Variants in DYNC1LI1 observed in about 807,000 individuals in gnomAD.
DYNC1LI1 encodes the protein dynein cytoplasmic 1 light intermediate chain 1, also known as cytoplasmic dynein 1 light intermediate chain 1.
DYNC1LI1 carries 19 observed loss-of-function variants against 63.8 expected under a neutral mutation model. The observed-to-expected ratio is 0.30, with a 90% CI of 0.21 to 0.44. DYNC1LI1 has a LOEUF of 0.44. DYNC1LI1 is among the 20% of genes least tolerant of loss of function. The pLI, the probability that DYNC1LI1 is intolerant of heterozygous loss-of-function variation, is 1.00. For synonymous variants in DYNC1LI1, 225 were observed against 232.3 expected (o/e 0.97, Z 0.28); for missense variants, 565 against 630.2 (o/e 0.90, Z 1.11).
chr3:32,570,316 G>C, intron 2 of DYNC1LI1, 30 bp downstream of exon 2: 3 of 1,555,318 alleles, frequency 1.9e-6, no homozygotes, highest in Non-Finnish European at 2.6e-6. Context: ...TGGGGGCCGG[G>C]CGGGGCGGGG....
At chr3:32,559,073 T>A (rs894864027) in intron 2 of DYNC1LI1, among the ~76,000 whole-genome samples, 1 of 151,772 alleles carries the variant, frequency 6.6e-6, no homozygotes, top group East Asian at 1.9e-4. Context: ...TTTTTTTTTT[T>A]TAAAGACAGA....
intron 10 of DYNC1LI1, among the ~76,000 whole-genome samples, 184 bp downstream of exon 10, chr3:32,530,100 T>C (rs946649678): frequency 2.6e-5 from 4 of 152,178 alleles, no homozygotes; most frequent in Admixed American, 6.5e-5. Flanking sequence ...TGGCTGAGTA[T>C]TGACACACAA....
chr3:32,559,809 A>C (rs2125444406), intron 2 of DYNC1LI1, among the ~76,000 whole-genome samples: 1 of 152,304 alleles, frequency 6.6e-6, no homozygotes, highest in African/African-American at 2.4e-5. Flanking sequence ...ATTTGGACTT[A>C]TATAACATAA....
intron 8 of DYNC1LI1, 41 bp downstream of exon 8, chr3:32,532,945 T>C (rs753644740): frequency 6.5e-7 from 1 of 1,527,654 alleles, no homozygotes; most frequent in African/African-American, 1.4e-5. Flanking sequence ...CTCAGGTTAG[T>C]CTAAAGTCTA....
Position 32,545,039 on chromosome 3 carries a change from T to C in DYNC1LI1, c.405A>G (p.Ser135=). 1 of 1,614,022 alleles carries C rather than the reference T, an allele frequency of 6.2e-7. No homozygotes were observed. Among genetic ancestry groups the C allele is most frequent in the Non-Finnish European group, 8.5e-7 (1 of 1,179,966 alleles). The change falls in exon 4 of 13, where the codon TCA becomes TCG. Residue 135 remains serine, a synonymous_variant. Transcript: ENST00000273130. ...TATCCTTCAGAGATACGGCATCCAG[T>C]GAAAATTTAAGGAGGCCTTTGTGAT... ...DLYHKGLLKF[S]LDAVSLKDTL... is the part of the protein sequence containing the mutation.
In DYNC1LI1 at chr3:32,532,996, G is replaced by A. The variant is rs1697722821; in HGVS notation, c.1070C>T (p.Pro357Leu). The A allele has an allele frequency of 6.3e-7, 1 of 1,578,392 alleles. No homozygotes were observed. Among genetic ancestry groups the A allele is most frequent in the South Asian group, 1.2e-5 (1 of 84,668 alleles). ...DNFEDIITKP[P>L]VRKFVHEKEI... ...TACTAAAATGGTTACCTTTCGAACA[G>A]GTGGTTTAGTTATGATGTCTTCAAA... Residue 357 changes from proline to leucine, a missense_variant, in exon 8 of 13, where the codon CCT becomes CTT. By Grantham distance (98) the Pro-to-Leu change is moderately conservative (BLOSUM62 -3). Transcript: ENST00000273130.
chr3:32,566,635 G>C (rs1363783212), intron 2 of DYNC1LI1: 1 of 369,970 alleles, frequency 2.7e-6, no homozygotes, highest in East Asian at 9.5e-5. Context: ...CTACGCAGGA[G>C]GCTGAGGCAG....
intron 5 of DYNC1LI1, among the ~76,000 whole-genome samples, chr3:32,537,746 A>G (rs1697793874): frequency 6.7e-6 from 1 of 148,918 alleles, no homozygotes; most frequent in African/African-American, 2.5e-5. Flanking sequence ...AAACATCACG[A>G]CATCCAAATA....
chr3:32,548,832 A>G (rs1255798499), intron 2 of DYNC1LI1, among the ~76,000 whole-genome samples: 1 of 152,210 alleles, frequency 6.6e-6, no homozygotes, highest in Non-Finnish European at 1.5e-5. Flanking sequence ...TATATACTCT[A>G]AAACTTCATG....
chr3:32,534,822 C>T (rs553798856), intron 6 of DYNC1LI1, among the ~76,000 whole-genome samples, 176 bp from the exon 7 acceptor site: 133 of 152,206 alleles, frequency 8.7e-4, no homozygotes, highest in Non-Finnish European at 1.7e-3. Context: ...TTCATATGGG[C>T]TACAATTAAT....
At chr3:32,544,031 A>T (rs903860969) in intron 4 of DYNC1LI1, among the ~76,000 whole-genome samples, 9 of 152,012 alleles carry the variant, frequency 5.9e-5, no homozygotes, top group Non-Finnish European at 1.2e-4. Flanking sequence ...GTGCCACTGT[A>T]CTTCAGCCTG....
rs59037467 is a variant in DYNC1LI1, at chr3:32,561,002, C to CAAAAAAAAAAAAAAAAAAAA, written c.220+9324_220+9343dup. On this transcript the variant is annotated intron_variant, in intron 2 of 12. Transcript: ENST00000273130. ...GGGCAACAAGAGCAAAACTCCGTCT[C>CAAAAAAAAAAAAAAAAAAAA]AAAAAAAAAAAAAAAAAAAAAAAAA... Among the ~76,000 whole-genome samples the CAAAAAAAAAAAAAAAAAAAA allele has an allele frequency of 5.0e-4, 13 of 26,116 alleles. 2 individuals are homozygous for CAAAAAAAAAAAAAAAAAAAA. The highest frequency in any genetic ancestry group is 8.5e-4 in the Non-Finnish European group (12 of 14,156). The allele number at this position is 26,116 out of a possible 152,430, so 17.1% of individuals were successfully genotyped here.
At chr3:32,540,151 G>T (rs549590704) in intron 5 of DYNC1LI1, among the ~76,000 whole-genome samples, 21 of 151,858 alleles carry the variant, frequency 1.4e-4, no homozygotes, top group Admixed American at 1.0e-3. Context: ...TTACAGGTGT[G>T]AGCCACCATG....
chr3:32,541,421 G>A (rs1697881267), intron 4 of DYNC1LI1, among the ~76,000 whole-genome samples: 1 of 152,146 alleles, frequency 6.6e-6, no homozygotes. Flanking sequence ...GCAGGGGATG[G>A]CTCTACAAAG....
intron 2 of DYNC1LI1, among the ~76,000 whole-genome samples, chr3:32,563,695 A>T (rs762438984): frequency 1.3e-5 from 2 of 152,106 alleles, no homozygotes; most frequent in Non-Finnish European, 2.9e-5. Flanking sequence ...TTTTACTGAC[A>T]TTCCCTCTCA....
chr3:32,538,528 G>A lies in DYNC1LI1; in HGVS notation c.739-1424C>T, dbSNP rs527499946. On this transcript the variant is annotated intron_variant, in intron 5 of 12. Coordinates refer to ENST00000273130, the MANE Select transcript of DYNC1LI1 (RefSeq NM_016141.4). ...ATCCTGGCTAACACGGTGAAACCCCGTCTCCACTAAAAATACAAAAAAATT... is the reference window on the plus strand; with the variant it reads ...ATCCTGGCTAACACGGTGAAACCCCATCTCCACTAAAAATACAAAAAAATT... 3.3e-5 allele frequency among the ~76,000 whole-genome samples: 5 copies of A among 151,826 alleles called. No individual in the cohort carries two copies. The South Asian group carries it at 8.3e-4, about 25-fold the overall frequency.
At chr3:32,530,207 T>C (rs1697676674) in intron 10 of DYNC1LI1, 77 bp downstream of exon 10, 3 of 1,184,038 alleles carry the variant, frequency 2.5e-6, no homozygotes, top group South Asian at 1.5e-5. Flanking sequence ...ATATGAAATA[T>C]GTACATAATT....
rs763401172 is a variant in DYNC1LI1 at position 32,536,112 on chromosome 3, G to C, written c.832+899C>G. 1.1e-4 allele frequency among the ~76,000 whole-genome samples: 17 copies of C among 152,270 alleles called. No individual in the cohort carries two copies. In the South Asian group the frequency reaches 1.5e-3, roughly 13 times the overall value. The stretch of plus-strand genomic sequence containing the variant: ...AAAGAGAAAGAACTGAAGAGAAAAG[G>C]GGAAAGGGAAACTATCAGTGTCAAG... On this transcript the variant is annotated intron_variant, in intron 6 of 12. Transcript: ENST00000273130.
chr3:32,553,096 G>A (rs965863181), intron 2 of DYNC1LI1, among the ~76,000 whole-genome samples: 2 of 152,152 alleles, frequency 1.3e-5, no homozygotes, highest in African/African-American at 4.8e-5. Flanking sequence ...CATTTTGGAA[G>A]GCCAAGGCAA....
Sources: allele counts gnomAD v4.1 joint callset (sites outside exome capture counted in the v4.1 genomes callset), GRCh38; gene constraint gnomAD v4.1.1; transcripts MANE v1.5; gene names NCBI Gene and HGNC (gene_info 2026-07-23, HGNC 2026-07-21).